DTL: variants seen among roughly 807,000 people sequenced by gnomAD.
DTL encodes the protein denticleless E3 ubiquitin protein ligase adapter, also known as denticleless protein homolog.
In DTL, 46 loss-of-function variants were observed where a neutral mutation model predicts 87.0. That is an observed-to-expected ratio of 0.53 (90% confidence interval 0.42 to 0.68). The LOEUF is 0.68. DTL is among the 30% of genes least tolerant of loss of function. The pLI is 0.00. For missense variants in DTL, 737 were observed against 869.4 expected (o/e 0.85, Z 1.91); for synonymous variants, 308 against 311.2 (o/e 0.99, Z 0.11).
rs1267396244 is a variant in DTL at position 212,040,160 on chromosome 1, C to T, written c.53-2833C>T. ...TATTTTATTTCTTCATATTCTTATTCTATAAGTTTTTTTATTTTAAATGTT... is the reference window on the plus strand; with the variant it reads ...TATTTTATTTCTTCATATTCTTATTTTATAAGTTTTTTTATTTTAAATGTT... On this transcript the variant is annotated intron_variant, in intron 1 of 14. Transcript: ENST00000366991. Among the ~76,000 whole-genome samples, 4 of 152,228 alleles carry T rather than the reference C, an allele frequency of 2.6e-5. No homozygotes were observed. The South Asian group carries it at 8.3e-4, about 32-fold the overall frequency.
At chr1:212,049,962 A>C in intron 5 of DTL, among the ~76,000 whole-genome samples, 1 of 151,512 alleles carries the variant, frequency 6.6e-6, no homozygotes, top group Non-Finnish European at 1.5e-5. Context: ...GGATTGCTTG[A>C]GGCCAGGAGT....
chr1:212,037,922 A>G (rs1425045454), intron 1 of DTL, among the ~76,000 whole-genome samples: 2 of 152,198 alleles, frequency 1.3e-5, no homozygotes, highest in African/African-American at 4.8e-5. Context: ...TGTAAAGTTT[A>G]CCCATTTTTA....
intron 11 of DTL, among the ~76,000 whole-genome samples, chr1:212,075,699 A>G (rs1203505475): frequency 1.3e-5 from 2 of 152,088 alleles, no homozygotes; most frequent in African/African-American, 4.8e-5. Flanking sequence ...CCTTCCTCCC[A>G]TTTTTCCTTA....
At chr1:212,045,864 C>T (rs1319197910) in intron 3 of DTL, among the ~76,000 whole-genome samples, 1 of 152,192 alleles carries the variant, frequency 6.6e-6, no homozygotes, top group Admixed American at 6.5e-5. Flanking sequence ...TGTTGAATGT[C>T]AAACTAAAGT....
intron 13 of DTL, among the ~76,000 whole-genome samples, chr1:212,090,852 T>G (rs1292963652): frequency 1.3e-5 from 2 of 152,228 alleles, no homozygotes; most frequent in Non-Finnish European, 2.9e-5. Flanking sequence ...TTAACAGATA[T>G]AGAATCTGAG....
chr1:212,094,290 T>C (rs1655379494), intron 13 of DTL, among the ~76,000 whole-genome samples: 1 of 152,176 alleles, frequency 6.6e-6, no homozygotes, highest in Non-Finnish European at 1.5e-5. Context: ...AGGTGAGAGA[T>C]GAGGATCCAG....
chr1:212,045,166 A>G (rs1008147418), intron 3 of DTL, among the ~76,000 whole-genome samples: 3 of 152,228 alleles, frequency 2.0e-5, no homozygotes, highest in Non-Finnish European at 2.9e-5. Context: ...AATGCCTCCC[A>G]TTAGGTCCCA....
chr1:212,066,603 A>G (rs552763583), intron 7 of DTL, among the ~76,000 whole-genome samples: 2 of 152,334 alleles, frequency 1.3e-5, no homozygotes, highest in African/African-American at 2.4e-5. Flanking sequence ...TTTTTTGAGT[A>G]TAAGTTGAAA....
intron 1 of DTL, among the ~76,000 whole-genome samples, chr1:212,038,068 G>A (rs1372763602): frequency 1.3e-5 from 2 of 152,096 alleles, no homozygotes; most frequent in Non-Finnish European, 2.9e-5. Context: ...TTCATCACAG[G>A]AAGCACTCAC....
chr1:212,065,757 G>C (rs1332978498), intron 7 of DTL, among the ~76,000 whole-genome samples: 1 of 152,226 alleles, frequency 6.6e-6, no homozygotes, highest in Non-Finnish European at 1.5e-5. Flanking sequence ...CCAGGCTGGA[G>C]TGCAGTGGCG....
intron 11 of DTL, chr1:212,077,811 A>G (rs1403736129): frequency 1.7e-5 from 3 of 174,346 alleles, no homozygotes; most frequent in African/African-American, 4.8e-5. Flanking sequence ...CTACTTAAGG[A>G]TGGATAACAT....
chr1:212,055,413 G>A (rs1226013370), intron 5 of DTL, among the ~76,000 whole-genome samples: 1 of 152,092 alleles, frequency 6.6e-6, no homozygotes, highest in Admixed American at 6.5e-5. Context: ...AAACCCTCAA[G>A]TCCTAAGCAG....
intron 3 of DTL, among the ~76,000 whole-genome samples, chr1:212,045,056 A>G (rs985870467): frequency 1.3e-4 from 20 of 152,122 alleles, no homozygotes; most frequent in African/African-American, 4.8e-4. Flanking sequence ...TTTTTTAACA[A>G]TCAGCTCTCC....
At chr1:212,042,088 A>G (rs903577826) in intron 1 of DTL, among the ~76,000 whole-genome samples, 1 of 152,236 alleles carries the variant, frequency 6.6e-6, no homozygotes, top group Non-Finnish European at 1.5e-5. Flanking sequence ...CTTTCAATAG[A>G]TTGTAAACTC....
At chr1:212,065,075 G>A (rs1224493100) in intron 7 of DTL, 46 bp downstream of exon 7, 1 of 1,369,414 alleles carries the variant, frequency 7.3e-7, no homozygotes, top group South Asian at 1.2e-5. Context: ...TTATCTGTAG[G>A]ATAGAATAAA....
At chr1:212,078,902 T>A (rs914868379) in intron 12 of DTL, among the ~76,000 whole-genome samples, 63 of 152,296 alleles carry the variant, frequency 4.1e-4, no homozygotes, top group African/African-American at 1.4e-3. Flanking sequence ...CAAGTTCCAG[T>A]CATTCTCCCA....
chr1:212,069,482 A>C (rs902206451), intron 10 of DTL, among the ~76,000 whole-genome samples: 2 of 152,158 alleles, frequency 1.3e-5, no homozygotes, highest in African/African-American at 4.8e-5. Flanking sequence ...AGTGCTGATA[A>C]ACAAGAAATC....
At chr1:212,078,894 A>T (rs1224065644) in intron 12 of DTL, among the ~76,000 whole-genome samples, 1 of 152,208 alleles carries the variant, frequency 6.6e-6, no homozygotes, top group African/African-American at 2.4e-5. Context: ...TAGTAGCTCA[A>T]GTTCCAGTCA....
At chr1:212,099,973 G>A (rs1655567245) in intron 13 of DTL, among the ~76,000 whole-genome samples, 1 of 151,960 alleles carries the variant, frequency 6.6e-6, no homozygotes, top group Non-Finnish European at 1.5e-5. Flanking sequence ...TGCTAAACAT[G>A]GTTTACGTAA....
Sources: gnomAD v4.1 joint callset for allele counts (sites outside exome capture counted in the v4.1 genomes callset) on GRCh38, gnomAD v4.1.1 for gene constraint, MANE v1.5 for transcripts, NCBI Gene and HGNC (gene_info 2026-07-23, HGNC 2026-07-21) for gene names.